Variants in UBE3D observed in about 807,000 individuals in gnomAD.
The protein encoded by UBE3D is E3 ubiquitin-protein ligase E3D.
UBE3D carries 48 observed loss-of-function variants against 49.6 expected under a neutral mutation model. The ratio of observed to expected loss-of-function variants is 0.97; its 90% confidence interval spans 0.77 to 1.23. UBE3D has a LOEUF of 1.23. Among genes scored for constraint, UBE3D ranks in the 50% most tolerant of loss-of-function variants. UBE3D has a pLI of 0.00. For synonymous variants in UBE3D, 189 were observed against 174.2 expected, an observed-to-expected ratio of 1.08 and a Z score of -0.67; for missense variants, 452 against 468.4, an observed-to-expected ratio of 0.96 and a Z score of 0.32.
intron 9 of UBE3D, chr6:82,925,229 T>C (rs1364999337): frequency 6.6e-6 from 1 of 152,180 alleles, no homozygotes; most frequent in Non-Finnish European, 1.5e-5. Context: ...AAAGAAGGAA[T>C]ATAAACCAAA....
At chr6:82,910,784 C>T (rs1466240796) in intron 9 of UBE3D, among the ~76,000 whole-genome samples, 3 of 152,082 alleles carry the variant, frequency 2.0e-5, no homozygotes, top group Non-Finnish European at 4.4e-5. Context: ...CAATTGGCAA[C>T]TGATTTAAAA....
At chr6:83,027,253 T>C (rs1781527835) in intron 5 of UBE3D, among the ~76,000 whole-genome samples, 1 of 151,286 alleles carries the variant, frequency 6.6e-6, no homozygotes, top group African/African-American at 2.4e-5. Flanking sequence ...CTGGCCAACA[T>C]GGTAAAACCC....
At chr6:82,901,429 T>A (rs989493431) in intron 9 of UBE3D, among the ~76,000 whole-genome samples, 1 of 152,150 alleles carries the variant, frequency 6.6e-6, no homozygotes, top group African/African-American at 2.4e-5. Flanking sequence ...TTTGAGAACG[T>A]GTTAAAAAGG....
chr6:83,032,389 G>A (rs1022920371), intron 5 of UBE3D: 4 of 419,342 alleles, frequency 9.5e-6, no homozygotes, highest in Non-Finnish European at 1.9e-5. Context: ...ACTTGCATGG[G>A]GCCTTTAGCC....
chr6:83,029,886 A>G (rs1372323596), intron 5 of UBE3D, among the ~76,000 whole-genome samples: 2 of 152,168 alleles, frequency 1.3e-5, no homozygotes, highest in African/African-American at 4.8e-5. Context: ...GTTAGCTGTC[A>G]GCAAATAATT....
chr6:82,941,046 C>T (rs1037353034), intron 9 of UBE3D, among the ~76,000 whole-genome samples: 3 of 152,028 alleles, frequency 2.0e-5, no homozygotes, highest in African/African-American at 7.2e-5. Context: ...AACCCCATCT[C>T]TATTAAAAAC....
chr6:82,938,171 C>T (rs906226040), intron 9 of UBE3D: 1 of 152,144 alleles, frequency 6.6e-6, no homozygotes, highest in Non-Finnish European at 1.5e-5. Context: ...TGACTCTGTG[C>T]CTCTACTTTA....
chr6:82,958,626 T>A (rs370478651), intron 8 of UBE3D, among the ~76,000 whole-genome samples: 54 of 152,324 alleles, frequency 3.5e-4, no homozygotes, highest in Admixed American at 1.8e-3. Context: ...TCACTCTCCG[T>A]TGAAGTACTG....
the UBE3D span, among the ~76,000 whole-genome samples, chr6:82,886,266 AG>A: frequency 2.6e-3 from 397 of 152,264 alleles, no homozygotes; most frequent in Non-Finnish European, 4.1e-3. Flanking sequence ...CTGTGGTGGA[AG>A]GGGGATGAAA....
intron 8 of UBE3D, among the ~76,000 whole-genome samples, chr6:83,016,927 T>C (rs992418311): frequency 5.3e-5 from 8 of 152,166 alleles, no homozygotes; most frequent in African/African-American, 1.4e-4. Context: ...CTGCTTTATA[T>C]TCCAGCCATG....
chr6:83,025,709 C>G (rs1225491592), intron 5 of UBE3D, among the ~76,000 whole-genome samples: 1 of 151,628 alleles, frequency 6.6e-6, no homozygotes, highest in African/African-American at 2.4e-5. Flanking sequence ...ATGGTGAAAC[C>G]CTGTCTCTAC....
chr6:82,943,372 C>T (rs1775160887), intron 9 of UBE3D, among the ~76,000 whole-genome samples: 1 of 152,186 alleles, frequency 6.6e-6, no homozygotes, highest in South Asian at 2.1e-4. Context: ...CACGGTGGCT[C>T]ATGCCCGTAA....
chr6:82,945,223 C>T (rs1157731409), intron 9 of UBE3D, among the ~76,000 whole-genome samples: 3 of 152,056 alleles, frequency 2.0e-5, no homozygotes. Flanking sequence ...GCCACAGGGG[C>T]GATTGTGTCA....
chr6:82,948,981 C>T (rs1202693765), intron 9 of UBE3D, among the ~76,000 whole-genome samples: 1 of 151,882 alleles, frequency 6.6e-6, no homozygotes, highest in Non-Finnish European at 1.5e-5. Flanking sequence ...ATGCCCACTG[C>T]CACTGTTATT....
intron 8 of UBE3D, among the ~76,000 whole-genome samples, chr6:82,969,521 T>A (rs1777193730): frequency 6.6e-6 from 1 of 151,998 alleles, no homozygotes; most frequent in South Asian, 2.1e-4. Context: ...GGTAGGAGGA[T>A]CCCTTGAACC....
downstream of UBE3D, among the ~76,000 whole-genome samples, chr6:82,890,921 G>A (rs1335948040): frequency 6.6e-6 from 1 of 152,066 alleles, no homozygotes; most frequent in African/African-American, 2.4e-5. Context: ...TATCTCAGAA[G>A]AAAATTCTTT....
intron 8 of UBE3D, among the ~76,000 whole-genome samples, chr6:82,994,613 T>G (rs1247339550): frequency 6.6e-6 from 1 of 152,032 alleles, no homozygotes; most frequent in Non-Finnish European, 1.5e-5. Flanking sequence ...AAACACCACA[T>G]GAAGAGGGAC....
intron 8 of UBE3D, among the ~76,000 whole-genome samples, chr6:83,010,779 C>A (rs1475657462): frequency 6.6e-6 from 1 of 152,142 alleles, no homozygotes; most frequent in Non-Finnish European, 1.5e-5. Context: ...CTAGTCTTTT[C>A]ATGTTTTTTT....
intron 9 of UBE3D, among the ~76,000 whole-genome samples, chr6:82,917,539 G>C (rs1773012283): frequency 6.6e-6 from 1 of 152,206 alleles, no homozygotes; most frequent in African/African-American, 2.4e-5. Flanking sequence ...GAGGCATGCA[G>C]GTGCAGTAAG....
Sources: gnomAD v4.1 joint callset for allele counts (sites outside exome capture counted in the v4.1 genomes callset) on GRCh38, gnomAD v4.1.1 for gene constraint, MANE v1.5 for transcripts, NCBI Gene and HGNC (gene_info 2026-07-23, HGNC 2026-07-21) for gene names.